SUCO: variants seen among roughly 807,000 people sequenced by gnomAD.
SUCO encodes SUN domain-containing ossification factor.
In SUCO, 57 loss-of-function variants were observed where a neutral mutation model predicts 148.1. The ratio of observed to expected loss-of-function variants is 0.38; its 90% CI spans 0.31 to 0.48. The LOEUF is 0.48. Among genes scored for constraint, SUCO ranks in the 20% least tolerant of loss-of-function variants. The probability of loss-of-function intolerance (pLI) is 0.96; values close to 1 mark genes in which losing one functional copy is unlikely to be tolerated. For missense variants in SUCO, 1,331 were observed against 1,468.2 expected, an observed-to-expected ratio of 0.91 and a Z score of 1.53; for synonymous variants, 470 against 502.7, an observed-to-expected ratio of 0.93 and a Z score of 0.87.
upstream of SUCO, chr1:172,532,626 A>G: frequency 6.2e-7 from 1 of 1,614,052 alleles, no homozygotes; most frequent in Non-Finnish European, 8.5e-7. Flanking sequence ...AAAAGAGGAA[A>G]ACAGTGCAAC....
At chr1:172,574,527 A>T (rs926102371) in intron 10 of SUCO, among the ~76,000 whole-genome samples, 3 of 151,942 alleles carry the variant, frequency 2.0e-5, no homozygotes, top group African/African-American at 7.3e-5. Context: ...TGTCAACCAG[A>T]GATAGCCCTT....
intron 22 of SUCO, among the ~76,000 whole-genome samples, chr1:172,606,086 A>G (rs1037822469): frequency 4.6e-5 from 7 of 151,506 alleles, no homozygotes; most frequent in African/African-American, 1.5e-4. Flanking sequence ...CTTATATTGC[A>G]TTTTTAATAC....
At chr1:172,602,615 CCTCTGTGTAGCCTCAACAA>C (rs1657600669) in intron 21 of SUCO, 62 bp from the exon 22 acceptor site, 1 of 1,560,736 alleles carries the variant, frequency 6.4e-7, no homozygotes, top group East Asian at 2.2e-5. Context: ...TTCTCAATAA[CCTCTGTGTAGCCTCAACAA>C]AAGAGTAAAT....
chr1:172,560,342 C>T (rs1236526623), intron 6 of SUCO, among the ~76,000 whole-genome samples: 2 of 152,152 alleles, frequency 1.3e-5, no homozygotes, highest in African/African-American at 2.4e-5. Context: ...GTAGTTTACT[C>T]ATAGATCTTT....
In SUCO at chr1:172,591,022, A is replaced by G. The variant is rs1656613811; in HGVS notation, c.2864A>G (p.Asn955Ser). The G allele has an allele frequency of 6.2e-7, 1 of 1,612,602 alleles. No homozygotes were observed. The highest frequency in any genetic ancestry group is 1.1e-5 in the South Asian group (1 of 90,898). Residue 955 changes from asparagine to serine, a missense_variant, in exon 19 of 24, where the codon AAT becomes AGT. Physicochemically the swap from Asn to Ser is conservative, Grantham distance 46. This residue lies in a region of SUCO where 334 missense variants were observed against 352.3 expected (regional missense o/e 0.95). Transcript: ENST00000263688. The part of the protein sequence containing the change: ...KQMEEMQKAF[N>S]KTIVKLQNTS... ...ATGGAAGAAATGCAAAAGGCTTTCA[A>G]TAAAACAATCGTGAAACTTCAGAAT...
At chr1:172,579,504 T>A (rs1001523043) in intron 15 of SUCO, among the ~76,000 whole-genome samples, 1 of 152,104 alleles carries the variant, frequency 6.6e-6, no homozygotes, top group Non-Finnish European at 1.5e-5. Flanking sequence ...AATTAGGCGC[T>A]GACATTTTGG....
intron 1 of SUCO, among the ~76,000 whole-genome samples, chr1:172,537,941 T>G (rs749498797): frequency 6.6e-6 from 1 of 152,204 alleles, no homozygotes; most frequent in Non-Finnish European, 1.5e-5. Context: ...TAGTTCACAA[T>G]GAGCGAATTT....
At chr1:172,560,156 A>G (rs1654047380) in intron 6 of SUCO, among the ~76,000 whole-genome samples, 1 of 152,230 alleles carries the variant, frequency 6.6e-6, no homozygotes. Context: ...GAACTGTTGT[A>G]ATCTAAGACA....
At chr1:172,575,248 T>A (rs1413000592) in intron 10 of SUCO, among the ~76,000 whole-genome samples, 1 of 151,998 alleles carries the variant, frequency 6.6e-6, no homozygotes, top group Non-Finnish European at 1.5e-5. Context: ...TGACTTTCTG[T>A]TATAAAACCT....
At chr1:172,600,265 C>A in intron 20 of SUCO, 97 bp downstream of exon 20, 2 of 856,750 alleles carry the variant, frequency 2.3e-6, no homozygotes, top group Admixed American at 3.5e-5. Flanking sequence ...AAAACTTTGA[C>A]CAAACAAAAT....
intron 6 of SUCO, among the ~76,000 whole-genome samples, chr1:172,567,468 A>G (rs1268983775): frequency 1.3e-5 from 2 of 152,142 alleles, no homozygotes; most frequent in Non-Finnish European, 2.9e-5. Flanking sequence ...GTTTAGTTTT[A>G]GAGCTTTTCA....
chr1:172,610,337 G>A lies in SUCO; in HGVS notation c.*78G>A. 6.8e-7 allele frequency: 1 copy of A among 1,464,786 alleles called. No homozygotes were observed. Among genetic ancestry groups the A allele is most frequent in the Non-Finnish European group, 9.0e-7 (1 of 1,108,184 alleles). The allele number at this position is 1,464,786 out of a possible 1,614,324, so 90.7% of individuals were successfully genotyped here. ...ACAGTCTGTAGTATTTGAAGGGTTT[G>A]GGGGAGGGAGAAAATATTAATGGGA... is the stretch of plus-strand genomic sequence containing the variant. On this transcript the variant is annotated 3_prime_UTR_variant, in exon 24 of 24. Coordinates refer to ENST00000263688, the MANE Select transcript of SUCO (RefSeq NM_014283.5).
intron 8 of SUCO, 139 bp from the exon 9 acceptor site, chr1:172,570,524 T>C (rs530865956): frequency 1.6e-6 from 1 of 636,256 alleles, no homozygotes; most frequent in Non-Finnish European, 2.8e-6. Context: ...TTTATGCTTT[T>C]TTCCCAAGTG....
chr1:172,589,283 A>C lies in SUCO; in HGVS notation c.2182A>C (p.Thr728Pro). The C allele has an allele frequency of 1.2e-6, 2 of 1,613,624 alleles. No individual in the cohort carries two copies. Among genetic ancestry groups the C allele is most frequent in the Non-Finnish European group, 1.7e-6 (2 of 1,179,814 alleles). Residue 728 changes from threonine (T) to proline (P), a missense_variant, in exon 18 of 24, where the codon ACT (threonine) becomes CCT (proline). Thr to Pro is a conservative substitution (Grantham distance 38). Around this residue, in one of 3 missense-constraint regions of SUCO, gnomAD observed 992 missense variants for 1,093.5 expected, o/e 0.91. Transcript: ENST00000263688. ...AVELEPSHSQTLSQSLLLDIT... is the reference protein window; with the variant it reads ...AVELEPSHSQPLSQSLLLDIT... ...TGAACTTGAACCAAGCCATTCTCAA[A>C]CTCTTTCTCAGTCTCTTCTTTTAGA...
intron 6 of SUCO, among the ~76,000 whole-genome samples, chr1:172,568,059 G>A (rs1654687057): frequency 6.6e-6 from 1 of 152,196 alleles, no homozygotes; most frequent in Non-Finnish European, 1.5e-5. Flanking sequence ...AACTGCACAT[G>A]TGAGGGATCT....
At position 172,588,574 on chromosome 1, in the gene SUCO, T is replaced by C. The variant is rs188809011; in HGVS notation, c.1659-186T>C. 8.6e-4 allele frequency: 848 copies of C among 985,224 alleles called. 4 individuals carry two copies. The African/African-American group carries it at 0.013, about 15-fold the overall frequency. The allele number at this position is 985,224 out of a possible 1,614,324, so 61.0% of individuals were successfully genotyped here. On this transcript the variant is annotated intron_variant, in intron 17 of 23. Coordinates refer to ENST00000263688, the MANE Select transcript of SUCO (RefSeq NM_014283.5). Reference sequence around the variant, plus strand: ...CACTTGATAAATAGTATTTCTCTTATCATTTCTGAGCAGTATTTGTTTTTA... The same window carrying C: ...CACTTGATAAATAGTATTTCTCTTACCATTTCTGAGCAGTATTTGTTTTTA...
chr1:172,576,467 A>T (rs1655447783), intron 11 of SUCO, among the ~76,000 whole-genome samples: 1 of 151,690 alleles, frequency 6.6e-6, no homozygotes, highest in Non-Finnish European at 1.5e-5. Context: ...AAAAATGCTA[A>T]ATTCTATTTT....
rs1414020218 is a variant in SUCO at position 172,585,785 on chromosome 1, T to A, written c.1568-73T>A. The A allele has an allele frequency of 3.8e-6, 4 of 1,045,920 alleles. No homozygotes were observed. The African/African-American group carries it at 6.4e-5, about 17-fold the overall frequency. The allele number at this position is 1,045,920 out of a possible 1,614,324, so 64.8% of individuals were successfully genotyped here. On this transcript the variant is annotated intron_variant, in intron 16 of 23. Transcript: ENST00000263688. Reference sequence around the variant, plus strand: ...GCTTTTTTCTTCTCTTCCAAGAAATTTGTTTTAGTAAAATATTTTCATGGT... The same window carrying A: ...GCTTTTTTCTTCTCTTCCAAGAAATATGTTTTAGTAAAATATTTTCATGGT...
At chr1:172,575,663 A>G (rs753958091) in intron 11 of SUCO, 40 bp downstream of exon 11, 1 of 1,392,202 alleles carries the variant, frequency 7.2e-7, no homozygotes, top group African/African-American at 1.4e-5. Flanking sequence ...TATAATGAAA[A>G]TATACGTGTT....
Sources: allele counts gnomAD v4.1 joint callset (sites outside exome capture counted in the v4.1 genomes callset), GRCh38; gene constraint gnomAD v4.1.1; regional missense constraint gnomAD v4.1.1; transcripts MANE v1.5; gene names NCBI Gene and HGNC (gene_info 2026-07-23, HGNC 2026-07-21).